The following DCAF13 variants were observed in gnomAD, a reference collection of about 807,000 sequenced individuals.
The protein encoded by DCAF13 is DDB1- and CUL4-associated factor 13.
A neutral mutation model predicts 59.0 loss-of-function variants in DCAF13; 38 were observed. That is an observed-to-expected ratio of 0.64 (90% CI 0.50 to 0.84). The LOEUF is 0.84. Ranked by LOEUF, DCAF13 falls within the 40% of genes least tolerant of loss-of-function variation. DCAF13 has a pLI of 0.00. For missense variants in DCAF13, 469 were observed against 558.4 expected, an observed-to-expected ratio of 0.84 and a Z score of 1.61; for synonymous variants, 173 against 175.0, an observed-to-expected ratio of 0.99 and a Z score of 0.09.
At chr8:103,436,259 G>GT (rs1249930004) in intron 8 of DCAF13, among the ~76,000 whole-genome samples, 1 of 152,130 alleles carries the variant, frequency 6.6e-6, no homozygotes, top group African/African-American at 2.4e-5. Flanking sequence ...AGAAAAATTA[G>GT]TAATAATACT....
intron 5 of DCAF13, chr8:103,429,098 A>G (rs929693706): frequency 6.6e-6 from 1 of 152,214 alleles, no homozygotes; most frequent in African/African-American, 2.4e-5. Context: ...AATTCTGGTA[A>G]AGCCAAAAGT....
At chr8:103,420,844 C>T in intron 2 of DCAF13, 131 bp from the exon 3 acceptor site, 1 of 642,830 alleles carries the variant, frequency 1.6e-6, no homozygotes, top group Admixed American at 2.7e-5. Flanking sequence ...ATATGCATTG[C>T]ATTGTTTTAA....
chr8:103,418,861 T>C (rs1816676226), intron 1 of DCAF13, among the ~76,000 whole-genome samples: 3 of 32,770 alleles, frequency 9.2e-5, no homozygotes, highest in African/African-American at 5.9e-4. Context: ...TATATATATA[T>C]ATATATTTTT....
At chr8:103,440,040 A>C (rs916231338) in intron 8 of DCAF13, 96 bp from the exon 9 acceptor site, 1 of 1,001,332 alleles carries the variant, frequency 1.0e-6, no homozygotes, top group Admixed American at 2.9e-5. Context: ...ATACTCCTAT[A>C]GGACTCAGAA....
chr8:103,441,840 A>C (rs1318969257), intron 10 of DCAF13: 3 of 442,996 alleles, frequency 6.8e-6, no homozygotes, highest in South Asian at 3.0e-5. Flanking sequence ...ATCTTGGTTC[A>C]CTGCAAGCTC....
intron 6 of DCAF13, among the ~76,000 whole-genome samples, chr8:103,431,297 G>T (rs1012474147): frequency 6.6e-6 from 1 of 152,190 alleles, no homozygotes; most frequent in African/African-American, 2.4e-5. Context: ...AGTAAGGAAA[G>T]GAGTGCCATT....
At chr8:103,437,174 G>T (rs569459433) in intron 8 of DCAF13, among the ~76,000 whole-genome samples, 123 of 152,274 alleles carry the variant, frequency 8.1e-4, no homozygotes, top group African/African-American at 2.9e-3. Flanking sequence ...AAATTGTCAT[G>T]AGTGTTTTTT....
chr8:103,442,710 AAG>A, intron 10 of DCAF13, 83 bp from the exon 11 acceptor site: 2 of 894,162 alleles, frequency 2.2e-6, no homozygotes, highest in Non-Finnish European at 3.3e-6. Flanking sequence ...TTTCTAGTGA[AAG>A]AAAATGCTTT....
intron 3 of DCAF13, among the ~76,000 whole-genome samples, chr8:103,422,139 G>T (rs1001335528): frequency 1.3e-5 from 2 of 152,190 alleles, no homozygotes; most frequent in Non-Finnish European, 2.9e-5. Flanking sequence ...GGATTGACAG[G>T]TTTGACAACT....
chr8:103,441,880 C>A (rs1464196415), intron 10 of DCAF13: 1 of 357,612 alleles, frequency 2.8e-6, no homozygotes, highest in African/African-American at 2.2e-5. Context: ...ATTCTCCTGT[C>A]TCAGCCTCCT....
In DCAF13 at chr8:103,439,382, G is replaced by A. The variant is rs910737987; in HGVS notation, c.951-754G>A. 3.3e-3 allele frequency: 370 copies of A among 111,122 alleles called. 2 individuals are homozygous for A. Among genetic ancestry groups the A allele is most frequent in the Non-Finnish European group, 4.8e-3 (260 of 53,724 alleles). The allele number at this position is 111,122 out of a possible 1,614,324, so 6.9% of individuals were successfully genotyped here. A position where few individuals can be genotyped will look rare whatever the true frequency, so the allele number is the denominator to read the frequency against. ...TAAATCATCAACTCACTTTAATTAA[G>A]CTTTTTTTTTTTTTTTTTTTTTTTG... is the stretch of plus-strand genomic sequence containing the variant. On this transcript the variant is annotated intron_variant, in intron 8 of 10. Transcript: ENST00000612750.
At chr8:103,421,183 C>A in intron 3 of DCAF13, 101 bp downstream of exon 3, 1 of 836,020 alleles carries the variant, frequency 1.2e-6, no homozygotes, top group Non-Finnish European at 2.0e-6. Context: ...TTCCTAGGCC[C>A]TTTTGGAGTT....
At chr8:103,428,541 T>C (rs2130485873) in intron 5 of DCAF13, 1 of 152,296 alleles carries the variant, frequency 6.6e-6, no homozygotes, top group East Asian at 1.9e-4. Flanking sequence ...TCTTTCTCAC[T>C]CCATCCTCCA....
At chr8:103,421,412 C>T (rs1816721139) in intron 3 of DCAF13, 4 of 362,000 alleles carry the variant, frequency 1.1e-5, no homozygotes, top group Middle Eastern at 3.7e-4. Context: ...AAGGAATCAT[C>T]GAAGTTTTGT....
At chr8:103,419,448 A>G (rs1450495950) in intron 1 of DCAF13, among the ~76,000 whole-genome samples, 1 of 152,208 alleles carries the variant, frequency 6.6e-6, no homozygotes, top group Non-Finnish European at 1.5e-5. Context: ...GTCTTTTTTA[A>G]GTAAGTAAAC....
intron 5 of DCAF13, 145 bp from the exon 6 acceptor site, chr8:103,430,467 T>G: frequency 1.9e-6 from 1 of 521,392 alleles, no homozygotes; most frequent in Non-Finnish European, 3.5e-6. Flanking sequence ...GTTGCTGAGA[T>G]TATGGATGAT....
At chr8:103,430,952 T>G (rs1446394055) in intron 6 of DCAF13, among the ~76,000 whole-genome samples, 2 of 152,152 alleles carry the variant, frequency 1.3e-5, no homozygotes, top group Admixed American at 6.5e-5. Flanking sequence ...GGCCTCTAAT[T>G]AATACTTACT....
rs761547809 is a variant in DCAF13, at chr8:103,440,234, G to A, written c.1049G>A (p.Arg350His). ...TGTGGATCTGATGAAATGAACATTC[G>A]CCTGTGGAAAGCTAATGCTTCTGAA... ...IMCGSDEMNIRLWKANASEKL... is the reference protein window; with the variant it reads ...IMCGSDEMNIHLWKANASEKL... Residue 350 changes from arginine (R) to histidine (H), a missense_variant, in exon 9 of 11, where the codon CGC becomes CAC. Physicochemically the swap from Arg to His is conservative, Grantham distance 29. Around this residue, in one of 3 missense-constraint regions of DCAF13, gnomAD observed 30 missense variants for 67.1 expected, o/e 0.45. Transcript: ENST00000612750. 3.1e-6 allele frequency: 5 copies of A among 1,594,378 alleles called. No individual in the cohort carries two copies. The highest frequency in any genetic ancestry group is 4.3e-6 in the Non-Finnish European group (5 of 1,171,394).
At chr8:103,419,990 G>A (rs200948784) in intron 1 of DCAF13, among the ~76,000 whole-genome samples, 6 of 149,756 alleles carry the variant, frequency 4.0e-5, no homozygotes, top group African/African-American at 9.9e-5. Flanking sequence ...GCCTGGTGAC[G>A]GAGCAAGACT....
Sources: gnomAD v4.1 joint callset for allele counts (sites outside exome capture counted in the v4.1 genomes callset) on GRCh38, gnomAD v4.1.1 for gene constraint, gnomAD v4.1.1 regional missense constraint, MANE v1.5 for transcripts, NCBI Gene and HGNC (gene_info 2026-07-23, HGNC 2026-07-21) for gene names.